The following STK24 variants were observed in gnomAD, a reference collection of about 807,000 sequenced individuals.
STK24 encodes serine/threonine kinase 24.
Under a neutral mutation model 55.6 loss-of-function variants are expected in STK24, and 21 were observed. The observed-to-expected ratio is 0.38, with a 90% CI of 0.27 to 0.54. STK24 has a LOEUF of 0.54. Among genes scored for constraint, STK24 ranks in the 20% least tolerant of loss-of-function variants. The pLI is 0.79. For missense variants in STK24, 383 were observed against 538.4 expected (o/e 0.71, Z 2.86); for synonymous variants, 200 against 215.2 (o/e 0.93, Z 0.62).
chr13:98,449,808 GGAGGGGGGA>G lies in STK24; in HGVS notation c.*3356_*3364del, dbSNP rs1368690811. On this transcript the variant is annotated 3_prime_UTR_variant, in exon 11 of 11. Coordinates refer to ENST00000539966, the MANE Select transcript of STK24 (RefSeq NM_001032296.4). ...TAGTCTTCATTTTCTGTGTGGGGGG[GGAGGGGGGA>G]AGGGGACACTCCAGCAAGGGTTTCT... 1 of 152,338 alleles carries G rather than the reference GGAGGGGGGA, an allele frequency of 6.6e-6. No homozygotes were observed. Among genetic ancestry groups the G allele is most frequent in the Non-Finnish European group, 1.5e-5 (1 of 68,042 alleles). The allele number at this position is 152,338 out of a possible 1,614,324, so 9.4% of individuals were successfully genotyped here. A position where few individuals can be genotyped will look rare whatever the true frequency, so the allele number is the denominator to read the frequency against.
At chr13:98,576,490 C>T (rs7337283) in intron 1 of STK24, among the ~76,000 whole-genome samples, 5,156 of 152,142 alleles carry the variant, frequency 0.034, 135 homozygotes, top group South Asian at 0.081. Flanking sequence ...GGACTAGGCG[C>T]CCGCACCCCC....
intron 5 of STK24, among the ~76,000 whole-genome samples, chr13:98,471,964 G>C (rs895685064): frequency 4.6e-5 from 7 of 152,232 alleles, no homozygotes; most frequent in Non-Finnish European, 8.8e-5. Flanking sequence ...AGTCATGCAA[G>C]AGAGAATGGA....
chr13:98,563,703 A>G (rs1897491426), intron 1 of STK24, among the ~76,000 whole-genome samples: 1 of 151,824 alleles, frequency 6.6e-6, no homozygotes, highest in South Asian at 2.1e-4. Flanking sequence ...CTAAAAATAA[A>G]AAAAAAATTA....
chr13:98,530,493 C>T (rs1356740361), intron 1 of STK24, among the ~76,000 whole-genome samples: 4 of 152,094 alleles, frequency 2.6e-5, no homozygotes, highest in Admixed American at 6.5e-5. Flanking sequence ...GGAGGAGGCA[C>T]GAGCTCCATT....
intron 3 of STK24, among the ~76,000 whole-genome samples, chr13:98,477,930 T>A (rs1203909297): frequency 6.6e-6 from 1 of 152,186 alleles, no homozygotes; most frequent in African/African-American, 2.4e-5. Flanking sequence ...GTGATGACTG[T>A]CTGCATGGTT....
chr13:98,495,990 C>T (rs866242573), intron 2 of STK24, among the ~76,000 whole-genome samples: 26 of 152,236 alleles, frequency 1.7e-4, no homozygotes, highest in African/African-American at 5.8e-4. Context: ...AGATGTGCTT[C>T]TCCCTCTCCC....
intron 2 of STK24, among the ~76,000 whole-genome samples, chr13:98,485,877 G>T (rs547688034): frequency 1.2e-4 from 18 of 152,328 alleles, no homozygotes; most frequent in African/African-American, 4.1e-4. Context: ...GCACTTCTGG[G>T]GCTCTCTTCC....
chr13:98,489,754 C>G (rs146508174), intron 2 of STK24, among the ~76,000 whole-genome samples: 1 of 152,170 alleles, frequency 6.6e-6, no homozygotes, highest in Non-Finnish European at 1.5e-5. Context: ...ATCCTGTTCG[C>G]AGAGGGCAGC....
chr13:98,479,042 C>T (rs1362191824), intron 3 of STK24, among the ~76,000 whole-genome samples: 4 of 152,192 alleles, frequency 2.6e-5, no homozygotes, highest in African/African-American at 7.2e-5. Flanking sequence ...CCCTGACACG[C>T]GGGAGGCACA....
intron 2 of STK24, among the ~76,000 whole-genome samples, chr13:98,507,142 T>C (rs1420463786): frequency 6.6e-6 from 1 of 152,200 alleles, no homozygotes; most frequent in African/African-American, 2.4e-5. Flanking sequence ...CTCAACTTTG[T>C]AAAATGGCTG....
chr13:98,564,107 T>C (rs1897504819), intron 1 of STK24, among the ~76,000 whole-genome samples: 1 of 152,164 alleles, frequency 6.6e-6, no homozygotes, highest in African/African-American at 2.4e-5. Context: ...AAATCAACTA[T>C]ACATAAAAGC....
At chr13:98,546,735 AC>A (rs1365516653) in intron 1 of STK24, among the ~76,000 whole-genome samples, 1 of 152,172 alleles carries the variant, frequency 6.6e-6, no homozygotes, top group East Asian at 1.9e-4. Flanking sequence ...GATGTCAAGA[AC>A]CAAGCAACAG....
At chr13:98,468,005 C>A (rs1473662302) in intron 5 of STK24, among the ~76,000 whole-genome samples, 1 of 152,206 alleles carries the variant, frequency 6.6e-6, no homozygotes, top group East Asian at 1.9e-4. Flanking sequence ...ATTCCAAGAA[C>A]TTCAGTGAGA....
intron 2 of STK24, among the ~76,000 whole-genome samples, chr13:98,494,699 C>T (rs1236270884): frequency 1.3e-5 from 2 of 152,014 alleles, no homozygotes; most frequent in African/African-American, 4.8e-5. Flanking sequence ...TTTTTATTTT[C>T]TGCACAATTC....
Position 98,477,877 on chromosome 13 carries a change from C to A in STK24, c.331-2519G>T, listed in dbSNP as rs150859326. Among the ~76,000 whole-genome samples the A allele has an allele frequency of 1.6e-4, 25 of 152,244 alleles. No homozygotes were observed. In the East Asian group the frequency reaches 4.8e-3, roughly 29 times the overall value. ...GGCGCTAAGAGGAAGAGGTGAGGAA[C>A]ACTCATGGAAAATCCTCCCCTGGAT... On this transcript the variant is annotated intron_variant, in intron 3 of 10. Transcript: ENST00000539966.
At chr13:98,477,864 A>G (rs1403785971) in intron 3 of STK24, among the ~76,000 whole-genome samples, 3 of 152,134 alleles carry the variant, frequency 2.0e-5, no homozygotes, top group Admixed American at 6.6e-5. Flanking sequence ...CGCTAAGAGG[A>G]AGAGGTGAGG....
chr13:98,573,863 TATC>T (rs1036143032), intron 1 of STK24, among the ~76,000 whole-genome samples: 3 of 152,144 alleles, frequency 2.0e-5, no homozygotes, highest in Admixed American at 6.5e-5. Flanking sequence ...AATGGTATAA[TATC>T]ATCTACATCT....
chr13:98,501,364 G>A (rs1395150499), intron 2 of STK24, among the ~76,000 whole-genome samples: 1 of 152,196 alleles, frequency 6.6e-6, no homozygotes, highest in Non-Finnish European at 1.5e-5. Flanking sequence ...CTAGCCAGGG[G>A]TGGGGCGGGG....
At chr13:98,509,991 T>G (rs547477712) in intron 2 of STK24, among the ~76,000 whole-genome samples, 3 of 152,366 alleles carry the variant, frequency 2.0e-5, no homozygotes, top group East Asian at 1.9e-4. Context: ...AAATATCACA[T>G]GTACCTCAGA....
Sources: gnomAD v4.1 joint callset for allele counts (sites outside exome capture counted in the v4.1 genomes callset) on GRCh38, gnomAD v4.1.1 for gene constraint, MANE v1.5 for transcripts, NCBI Gene and HGNC (gene_info 2026-07-23, HGNC 2026-07-21) for gene names.